The following ECE1 variants were observed in gnomAD, a reference collection of about 807,000 sequenced individuals.
ECE1 encodes the protein endothelin converting enzyme 1.
Under a neutral mutation model 98.6 loss-of-function variants are expected in ECE1, and 35 were observed. The ratio of observed to expected loss-of-function variants is 0.35; its 90% confidence interval spans 0.27 to 0.47. The LOEUF (loss-of-function observed/expected upper bound fraction) is 0.47, where lower values mean the gene tolerates loss of function less well. Ranked by LOEUF, ECE1 falls within the 20% of genes least tolerant of loss-of-function variation. The pLI is 1.00. For synonymous variants in ECE1, 394 were observed against 407.1 expected, an observed-to-expected ratio of 0.97 and a Z score of 0.39; for missense variants, 814 against 1,025.3, an observed-to-expected ratio of 0.79 and a Z score of 2.81.
At chr1:21,248,876 G>A (rs1397437235) in intron 8 of ECE1, among the ~76,000 whole-genome samples, 2 of 151,752 alleles carry the variant, frequency 1.3e-5, no homozygotes, top group African/African-American at 2.4e-5. Context: ...GCCTGCCTCG[G>A]CCTCCCAAAG....
chr1:21,260,119 G>A lies in ECE1; in HGVS notation c.615+152C>T, dbSNP rs2098224812. ...TGTGCTCACACTCACATGTGCTCTC[G>A]CACACTCGCTCTCTCTCTTTCTGTC... is the stretch of plus-strand genomic sequence containing the variant. On this transcript the variant is annotated intron_variant, in intron 5 of 18. Coordinates refer to ENST00000374893, the MANE Select transcript of ECE1 (RefSeq NM_001397.3). This position sits in a 1 kb window ranked among gnomAD's most constrained non-coding sequence, Gnocchi z 4.3. 9 of 1,233,804 alleles carry A rather than the reference G, an allele frequency of 7.3e-6. No homozygotes were observed. Among genetic ancestry groups the A allele is most frequent in the South Asian group, 2.5e-5 (2 of 79,482 alleles). 76.4% of individuals were successfully genotyped at this position (1,233,804 alleles called of 1,614,324 possible). A position where few individuals can be genotyped will look rare whatever the true frequency, so the allele number is the denominator to read the frequency against.
At chr1:21,292,584 C>G (rs1457602209), upstream of ECE1, among the ~76,000 whole-genome samples, 2 of 152,204 alleles carry the variant, frequency 1.3e-5, no homozygotes, top group East Asian at 3.8e-4. Flanking sequence ...CTGTCTCTGT[C>G]CCTCTCCAGA....
intron 1 of ECE1, among the ~76,000 whole-genome samples, chr1:21,328,627 G>A (rs1639131966): frequency 6.6e-6 from 1 of 152,122 alleles, no homozygotes; most frequent in South Asian, 2.1e-4. Flanking sequence ...GCCAGGCATG[G>A]TGGCGGGCGC....
At chr1:21,313,944 T>C (rs1020672925) in intron 1 of ECE1, among the ~76,000 whole-genome samples, 1 of 151,950 alleles carries the variant, frequency 6.6e-6, no homozygotes, top group African/African-American at 2.4e-5. Context: ...ACCTGAGCAG[T>C]AGTGTGGCCT....
chr1:21,276,469 T>C (rs1449030944), intron 3 of ECE1, among the ~76,000 whole-genome samples: 2 of 152,214 alleles, frequency 1.3e-5, no homozygotes. Context: ...CTAGATTTAA[T>C]TTACAGACAC....
At chr1:21,308,277 C>T (rs1638641098) in intron 1 of ECE1, among the ~76,000 whole-genome samples, 1 of 152,136 alleles carries the variant, frequency 6.6e-6, no homozygotes. Context: ...GCTGTCCTGC[C>T]CTCATACACC....
chr1:21,328,799 G>A (rs1639137037), intron 1 of ECE1, among the ~76,000 whole-genome samples: 1 of 151,084 alleles, frequency 6.6e-6, no homozygotes, highest in Admixed American at 6.6e-5. Flanking sequence ...ATCTCTGTGT[G>A]GAAGTCTGCA....
At chr1:21,312,095 C>T (rs1159662471) in intron 1 of ECE1, among the ~76,000 whole-genome samples, 1 of 148,198 alleles carries the variant, frequency 6.7e-6, no homozygotes, top group Non-Finnish European at 1.5e-5. Context: ...TGCACTCCAG[C>T]CTGAGCGACA....
intron 1 of ECE1, chr1:21,299,314 T>G (rs1638435300): frequency 1.1e-5 from 2 of 180,690 alleles, no homozygotes; most frequent in South Asian, 2.4e-4. Flanking sequence ...AGCCAACTCA[T>G]GTGGTTGATC....
chr1:21,253,984 G>A (rs544882018), intron 8 of ECE1, among the ~76,000 whole-genome samples: 301 of 148,718 alleles, frequency 2.0e-3, no homozygotes, highest in Middle Eastern at 0.011. Context: ...CAGGAGAATC[G>A]CTTGAACCTG....
chr1:21,236,085 T>A (rs2098187635), intron 12 of ECE1, among the ~76,000 whole-genome samples, 158 bp from the exon 13 acceptor site: 1 of 152,218 alleles, frequency 6.6e-6, no homozygotes, highest in Admixed American at 6.5e-5. Flanking sequence ...GTTTCCCCCT[T>A]GCAAAACTTC....
chr1:21,321,137 C>T (rs1472390115), intron 1 of ECE1, among the ~76,000 whole-genome samples: 2 of 152,202 alleles, frequency 1.3e-5, no homozygotes, highest in East Asian at 3.8e-4. Flanking sequence ...TGCCAAGGGT[C>T]CCAGAGCTAG....
intron 1 of ECE1, among the ~76,000 whole-genome samples, chr1:21,297,451 C>A (rs908393801): frequency 6.6e-6 from 1 of 152,140 alleles, no homozygotes; most frequent in Non-Finnish European, 1.5e-5. Context: ...ACCCCCTGAC[C>A]CCCTTGATCT....
At chr1:21,250,390 A>T (rs2098211047) in intron 8 of ECE1, among the ~76,000 whole-genome samples, 1 of 152,222 alleles carries the variant, frequency 6.6e-6, no homozygotes. Context: ...ATATACTGCT[A>T]CAGCAAAAAT....
At chr1:21,284,444 G>C (rs1244303812) in intron 2 of ECE1, among the ~76,000 whole-genome samples, 1 of 152,222 alleles carries the variant, frequency 6.6e-6, no homozygotes, top group Non-Finnish European at 1.5e-5. Flanking sequence ...GTGGGAGGCA[G>C]AAAGAGAATG....
At chr1:21,341,717 G>GGGA (rs1639403226) in intron 1 of ECE1, among the ~76,000 whole-genome samples, 1 of 152,232 alleles carries the variant, frequency 6.6e-6, no homozygotes, top group African/African-American at 2.4e-5. Context: ...ACTGTGCTCT[G>GGGA]GGAGCCCCAT....
intron 4 of ECE1, among the ~76,000 whole-genome samples, chr1:21,262,303 C>T (rs917928581): frequency 2.0e-5 from 3 of 152,168 alleles, no homozygotes; most frequent in African/African-American, 7.2e-5. Flanking sequence ...CCCCCAGGCA[C>T]CACGGCAGCT....
At position 21,290,461 on chromosome 1, in the gene ECE1, G is replaced by C. The variant is rs796934088; in HGVS notation, c.-47C>G. 6 of 1,227,766 alleles carry C rather than the reference G, an allele frequency of 4.9e-6. 1 individual carries two copies. In the African/African-American group the frequency reaches 9.3e-5, roughly 19 times the overall value. The allele number at this position is 1,227,766 out of a possible 1,614,324, so 76.1% of individuals were successfully genotyped here. On this transcript the variant is annotated 5_prime_UTR_variant, in exon 1 of 19. In the 5' UTR this introduces an upstream ATG that the reference lacks. Transcript: ENST00000374893. The surrounding 1 kb of genome is among the most constrained non-coding windows in gnomAD (Gnocchi z 7.3). The stretch of plus-strand genomic sequence containing the variant: ...CCCGCTGCCCGGGTGGCCGGGATGG[G>C]ATGGGCCGGGCCAGGCGTTGCACCA...
At chr1:21,257,408 A>G in intron 7 of ECE1, 117 bp downstream of exon 7, 1 of 1,125,984 alleles carries the variant, frequency 8.9e-7, no homozygotes, top group South Asian at 1.3e-5. Context: ...TTCACCCATC[A>G]GGTCACTGAC....
Sources: allele counts gnomAD v4.1 joint callset (sites outside exome capture counted in the v4.1 genomes callset), GRCh38; gene constraint gnomAD v4.1.1; non-coding constraint Gnocchi (gnomAD v3.1); transcripts MANE v1.5; gene names NCBI Gene and HGNC (gene_info 2026-07-23, HGNC 2026-07-21).